UNC79: variants seen among roughly 807,000 people sequenced by gnomAD.
The protein encoded by UNC79 is unc-79 subunit of NALCN channel complex, also known as protein unc-79 homolog.
UNC79 carries 37 observed loss-of-function variants against 283.1 expected under a neutral mutation model. The ratio of observed to expected loss-of-function variants is 0.13; its 90% CI spans 0.10 to 0.17. The LOEUF (loss-of-function observed/expected upper bound fraction) is 0.17, where lower values mean the gene tolerates loss of function less well. Among genes scored for constraint, UNC79 ranks in the 10% least tolerant of loss-of-function variants. The pLI is 1.00. For synonymous variants in UNC79, 1,107 were observed against 1,200.2 expected (o/e 0.92, Z 1.61); for missense variants, 2,272 against 3,211.1 (o/e 0.71, Z 7.07).
intron 48 of UNC79, among the ~76,000 whole-genome samples, 165 bp downstream of exon 51, chr14:93,704,831 C>T (rs917480081): frequency 2.6e-5 from 4 of 152,140 alleles, no homozygotes; most frequent in African/African-American, 7.2e-5. Flanking sequence ...GGTAAGGGCT[C>T]TGCAGGCAGG....
At chr14:93,524,383 T>C (rs970121073) in intron 8 of UNC79, among the ~76,000 whole-genome samples, 4 of 152,246 alleles carry the variant, frequency 2.6e-5, no homozygotes, top group African/African-American at 4.8e-5. Context: ...TGTTTTCATG[T>C]GTATGCTACA....
intron 1 of UNC79, among the ~76,000 whole-genome samples, chr14:93,432,162 ATTT>A (rs2055906733): frequency 6.6e-6 from 1 of 152,236 alleles, no homozygotes; most frequent in African/African-American, 2.4e-5. Context: ...TAGTCTCATT[ATTT>A]GAGGGCAATA....
intron 20 of UNC79, among the ~76,000 whole-genome samples, chr14:93,585,865 G>A (rs1278170289): frequency 1.3e-5 from 2 of 150,018 alleles, no homozygotes; most frequent in Non-Finnish European, 3.0e-5. Context: ...AGTACAAATT[G>A]AACACCTCTC....
chr14:93,643,405 T>C, intron 33 of UNC79, 152 bp from the exon 37 acceptor site: 2 of 1,031,618 alleles, frequency 1.9e-6, no homozygotes, highest in Non-Finnish European at 2.8e-6. Flanking sequence ...ATGGCAGCAC[T>C]GGAATCCTCT....
chr14:93,510,987 C>T (rs1280298873), intron 7 of UNC79, among the ~76,000 whole-genome samples: 2 of 152,140 alleles, frequency 1.3e-5, no homozygotes, highest in Non-Finnish European at 2.9e-5. Context: ...TTAATTGGCT[C>T]ATGGTTCTGT....
At chr14:93,575,338 C>T in intron 17 of UNC79, 140 bp downstream of exon 17, 1 of 914,232 alleles carries the variant, frequency 1.1e-6, no homozygotes, top group Non-Finnish European at 1.7e-6. Context: ...CTTTTAAGTG[C>T]ATTAAATAGT....
chr14:93,643,787 T>C, intron 34 of UNC79, 90 bp downstream of exon 37: 1 of 1,532,270 alleles, frequency 6.5e-7, no homozygotes, highest in Non-Finnish European at 8.8e-7. Flanking sequence ...AAGTGAAACA[T>C]TCAGCCACCT....
chr14:93,415,700 CT>C lies in UNC79; in HGVS notation c.-350-51970del, dbSNP rs541230378. Among the ~76,000 whole-genome samples the C allele has an allele frequency of 3.8e-3, 580 of 151,824 alleles. 2 individuals carry two copies. The highest frequency in any genetic ancestry group is 0.013 in the African/African-American group (555 of 41,376). ...TTGATTATTGCCACAATTTCAGAGC[CT>C]GTTATTGGTCTATTCAGAGATTCAA... On this transcript the variant is annotated intron_variant, in intron 1 of 49. Transcript: ENST00000256339.
At position 93,572,626 on chromosome 14, in the gene UNC79, G is replaced by A. The variant is rs2063270362; in HGVS notation, c.1947-67G>A. 8 of 1,590,972 alleles carry A rather than the reference G, an allele frequency of 5.0e-6. No homozygotes were observed. In the Admixed American group the frequency reaches 5.3e-5, roughly 10 times the overall value. ...CCAAATAGGGAATAGTTAGAAAGAC[G>A]GTGGTGGTATTAGTAGAACCCAATC... On this transcript the variant is annotated intron_variant, in intron 15 of 48. Coordinates refer to ENST00000555664, the Ensembl canonical transcript of UNC79.
At chr14:93,352,628 A>G (rs2054000196) in intron 1 of UNC79, among the ~76,000 whole-genome samples, 1 of 152,208 alleles carries the variant, frequency 6.6e-6, no homozygotes, top group Non-Finnish European at 1.5e-5. Context: ...GGCACTGTGA[A>G]CACTGAATTA....
rs116801486 is a variant in UNC79, at chr14:93,550,177, A to G, written c.1755+7481A>G. On this transcript the variant is annotated intron_variant, in intron 14 of 48. Coordinates refer to ENST00000555664, the Ensembl canonical transcript of UNC79. ...ACAAGGTTGGTTTATAAATTGCAAC[A>G]ATTTAGTTAGTTACAGTTTGTTTTC... Among the ~76,000 whole-genome samples the G allele has an allele frequency of 4.6e-3, 706 of 152,312 alleles. 3 individuals are homozygous for G. The highest frequency in any genetic ancestry group is 0.016 in the African/African-American group (671 of 41,564).
At chr14:93,669,281 T>C (rs2072572763) in intron 40 of UNC79, among the ~76,000 whole-genome samples, 2 of 152,172 alleles carry the variant, frequency 1.3e-5, no homozygotes, top group African/African-American at 2.4e-5. Context: ...TGAAAACTTC[T>C]TCAAAATGCT....
At position 93,688,400 on chromosome 14, in the gene UNC79, G is replaced by T. The variant is rs762954784; in HGVS notation, c.6910-265G>T. ...TTCCAGACAAAGGGAATAGCAGCAGGGGGGAACACAGAGAGCCAACACAGC... is the reference window on the plus strand; with the variant it reads ...TTCCAGACAAAGGGAATAGCAGCAGTGGGGAACACAGAGAGCCAACACAGC... On this transcript the variant is annotated intron_variant, in intron 43 of 48. Transcript: ENST00000555664. This position sits in a 1 kb window ranked among gnomAD's most constrained non-coding sequence, Gnocchi z 4.0. Among the ~76,000 whole-genome samples the T allele has an allele frequency of 6.6e-6, 1 of 152,030 alleles. No individual in the cohort carries two copies. Among genetic ancestry groups the T allele is most frequent in the African/African-American group, 2.4e-5 (1 of 41,332 alleles).
intron 40 of UNC79, among the ~76,000 whole-genome samples, chr14:93,668,259 C>A (rs1043924544): frequency 6.6e-6 from 1 of 152,164 alleles, no homozygotes; most frequent in African/African-American, 2.4e-5. Context: ...CAAAGGGAAT[C>A]TATAGACAGC....
intron 22 of UNC79, 41 bp downstream of exon 22, chr14:93,586,949 AG>A: frequency 6.3e-7 from 1 of 1,593,760 alleles, no homozygotes; most frequent in Non-Finnish European, 8.5e-7. Flanking sequence ...TTTATACATT[AG>A]GCTTTAGTTG....
intron 1 of UNC79, among the ~76,000 whole-genome samples, chr14:93,386,035 A>G (rs1457563502): frequency 6.6e-6 from 1 of 152,098 alleles, no homozygotes; most frequent in Non-Finnish European, 1.5e-5. Flanking sequence ...GACAGTGGGC[A>G]TCCTTCTTGT....
At chr14:93,418,803 C>T (rs2055524008) in intron 1 of UNC79, among the ~76,000 whole-genome samples, 1 of 151,822 alleles carries the variant, frequency 6.6e-6, no homozygotes, top group Admixed American at 6.6e-5. Flanking sequence ...AGTGAGACTC[C>T]GTGGGCGTAG....
Position 93,688,059 on chromosome 14 carries a change from G to T in UNC79, c.6910-606G>T, listed in dbSNP as rs914829123. On this transcript the variant is annotated intron_variant, in intron 43 of 48. Transcript: ENST00000555664. The surrounding 1 kb of genome is among the most constrained non-coding windows in gnomAD (Gnocchi z 4.0). Reference sequence around the variant, plus strand: ...TCCCACTGAGCTCACACTGAGCAAAGAAATCTTTCTAAATTAATTCAACAA... The same window carrying T: ...TCCCACTGAGCTCACACTGAGCAAATAAATCTTTCTAAATTAATTCAACAA... 6.6e-6 allele frequency among the ~76,000 whole-genome samples: 1 copy of T among 152,138 alleles called. No individual in the cohort carries two copies. The highest frequency in any genetic ancestry group is 6.5e-5 in the Admixed American group (1 of 15,276).
At chr14:93,643,534 G>A (rs1475656939) in intron 33 of UNC79, 23 bp from the exon 37 acceptor site, 5 of 1,613,654 alleles carry the variant, frequency 3.1e-6, no homozygotes, top group Non-Finnish European at 3.4e-6. Context: ...TTCATGGAAA[G>A]CATGTCTCTC....
Sources: allele counts gnomAD v4.1 joint callset (sites outside exome capture counted in the v4.1 genomes callset), GRCh38; gene constraint gnomAD v4.1.1; non-coding constraint Gnocchi (gnomAD v3.1); transcripts MANE v1.5; gene names NCBI Gene and HGNC (gene_info 2026-07-23, HGNC 2026-07-21).